The following KSR1 variants were observed in gnomAD, a reference collection of about 807,000 sequenced individuals.
The protein encoded by KSR1 is kinase suppressor of ras 1.
In KSR1, 35 loss-of-function variants were observed where a neutral mutation model predicts 92.9. That is an observed-to-expected ratio of 0.38 (90% confidence interval 0.29 to 0.50). The LOEUF (loss-of-function observed/expected upper bound fraction) is 0.50. KSR1 is among the 20% of genes least tolerant of loss of function. The probability of loss-of-function intolerance (pLI) is 0.94; values close to 1 mark genes in which losing one functional copy is unlikely to be tolerated. For missense variants in KSR1, 972 were observed against 1,158.5 expected, an observed-to-expected ratio of 0.84 and a Z score of 2.34; for synonymous variants, 467 against 472.6, an observed-to-expected ratio of 0.99 and a Z score of 0.15.
rs943135539 is a variant in KSR1 at position 27,456,508 on chromosome 17, C to T, written c.-136C>T. ...AGGGTGGAAGCGGCAGACTCAGCGG[C>T]CGGCTCTACCGGCGTCCCGGCTCGG... On this transcript the variant is annotated 5_prime_UTR_variant, in exon 1 of 21. Transcript: ENST00000644974. 1.6e-3 allele frequency: 644 copies of T among 400,178 alleles called. No individual in the cohort carries two copies. The highest frequency in any genetic ancestry group is 5.2e-3 in the Middle Eastern group (8 of 1,546). 24.8% of individuals were successfully genotyped at this position (400,178 alleles called of 1,614,324 possible). A position where few individuals can be genotyped will look rare whatever the true frequency, so the allele number is the denominator to read the frequency against.
At chr17:27,574,114 A>ACC in intron 2 of KSR1, among the ~76,000 whole-genome samples, 1 of 152,280 alleles carries the variant, frequency 6.6e-6, no homozygotes, top group Middle Eastern at 3.4e-3. Context: ...AACTGAGGAC[A>ACC]CCCTTCCGGA....
At chr17:27,538,238 G>A (rs1032946091) in intron 1 of KSR1, among the ~76,000 whole-genome samples, 4 of 152,182 alleles carry the variant, frequency 2.6e-5, no homozygotes, top group African/African-American at 7.2e-5. Flanking sequence ...GACTGGAATA[G>A]GCCATTATGT....
intron 1 of KSR1, 58 bp downstream of exon 1, chr17:27,456,932 G>C: frequency 2.7e-6 from 2 of 747,544 alleles, no homozygotes; most frequent in Admixed American, 1.8e-5. Flanking sequence ...CCTCCCTCCG[G>C]GCCCCAGTAC....
At chr17:27,529,657 G>A (rs1425539060) in intron 1 of KSR1, among the ~76,000 whole-genome samples, 2 of 152,180 alleles carry the variant, frequency 1.3e-5, no homozygotes, top group Non-Finnish European at 2.9e-5. Context: ...TATGGTTGCC[G>A]GCAGAGGTAA....
chr17:27,552,650 A>G (rs2071436582), intron 2 of KSR1, among the ~76,000 whole-genome samples: 1 of 152,168 alleles, frequency 6.6e-6, no homozygotes, highest in South Asian at 2.1e-4. Flanking sequence ...AGGCTAGGGC[A>G]AGTGACCCAA....
intron 11 of KSR1, among the ~76,000 whole-genome samples, chr17:27,603,057 G>A (rs918376972): frequency 1.3e-5 from 2 of 152,212 alleles, no homozygotes; most frequent in African/African-American, 4.8e-5. Context: ...AGAAAAGAGC[G>A]GGGAGTGAGC....
intron 1 of KSR1, among the ~76,000 whole-genome samples, chr17:27,457,685 G>C (rs1170931890): frequency 1.3e-5 from 2 of 152,166 alleles, no homozygotes; most frequent in Non-Finnish European, 2.9e-5. Flanking sequence ...GGAAAAACCA[G>C]CCCGAGGGTT....
Position 27,459,917 on chromosome 17 carries a change from G to A in KSR1, c.231+3043G>A, listed in dbSNP as rs186797394. Among the ~76,000 whole-genome samples, 109 of 152,290 alleles carry A rather than the reference G, an allele frequency of 7.2e-4. No individual in the cohort carries two copies. Among genetic ancestry groups the A allele is most frequent in the East Asian group, 9.6e-4 (5 of 5,184 alleles). On this transcript the variant is annotated intron_variant, in intron 1 of 20. Transcript: ENST00000644974. The surrounding 1 kb of genome is among the most constrained non-coding windows in gnomAD (Gnocchi z 4.6). ...AGGGTAGAAGGAGCTGAGACTTAAC[G>A]TTTGCTGCCTGTGTGCCTAGCAGCG... is the stretch of plus-strand genomic sequence containing the variant.
intron 1 of KSR1, among the ~76,000 whole-genome samples, chr17:27,460,270 C>T (rs10432045): frequency 0.38 from 57,414 of 151,940 alleles, 11,353 homozygotes; most frequent in East Asian, 0.63. Flanking sequence ...ATCTGCCCAG[C>T]GCTGGGGAGA....
chr17:27,548,958 C>T (rs994580235), intron 1 of KSR1, among the ~76,000 whole-genome samples: 33 of 152,282 alleles, frequency 2.2e-4, no homozygotes, highest in African/African-American at 7.5e-4. Context: ...AATGGCTAAG[C>T]ATCCCAAACC....
At chr17:27,506,221 G>A (rs550727039) in intron 1 of KSR1, among the ~76,000 whole-genome samples, 113 of 152,292 alleles carry the variant, frequency 7.4e-4, no homozygotes, top group African/African-American at 2.6e-3. Flanking sequence ...AGTCTGAGGG[G>A]CTTTGGCTCA....
In KSR1 at chr17:27,526,759, A is replaced by T. The variant is rs1278919619; in HGVS notation, c.232-23809A>T. On this transcript the variant is annotated intron_variant, in intron 1 of 20. Coordinates refer to ENST00000644974, the MANE Select transcript of KSR1 (RefSeq NM_001394583.1). The stretch of plus-strand genomic sequence containing the variant: ...TTGGAAAACGTATGAACTCTTTCTC[A>T]TCATCGCACAGTTCTCTATTTGAAA... 3.4e-6 allele frequency: 4 copies of T among 1,188,066 alleles called. No individual in the cohort carries two copies. The East Asian group carries it at 7.0e-5, about 21-fold the overall frequency. The allele number at this position is 1,188,066 out of a possible 1,614,324, so 73.6% of individuals were successfully genotyped here.
chr17:27,517,120 T>C (rs1035420811), intron 1 of KSR1, among the ~76,000 whole-genome samples: 11 of 152,208 alleles, frequency 7.2e-5, no homozygotes, highest in Non-Finnish European at 1.2e-4. Context: ...CCTTTCTAGG[T>C]AATTTTCTGA....
intron 1 of KSR1, among the ~76,000 whole-genome samples, chr17:27,537,115 C>G (rs1202053387): frequency 6.6e-6 from 1 of 152,192 alleles, no homozygotes; most frequent in Admixed American, 6.5e-5. Flanking sequence ...TTACCCCCAC[C>G]CTTACCTTGT....
At chr17:27,528,882 G>A (rs2070422302) in intron 1 of KSR1, among the ~76,000 whole-genome samples, 1 of 152,034 alleles carries the variant, frequency 6.6e-6, no homozygotes, top group Non-Finnish European at 1.5e-5. Context: ...TTCACCCTGG[G>A]TGACAAGAGA....
Position 27,459,692 on chromosome 17 carries a change from C to A in KSR1, c.231+2818C>A, listed in dbSNP as rs1424272963. 3.3e-5 allele frequency among the ~76,000 whole-genome samples: 5 copies of A among 152,330 alleles called. No homozygotes were observed. The highest frequency in any genetic ancestry group is 1.2e-4 in the African/African-American group (5 of 41,578). On this transcript the variant is annotated intron_variant, in intron 1 of 20. Transcript: ENST00000644974. This position sits in a 1 kb window ranked among gnomAD's most constrained non-coding sequence, Gnocchi z 4.6. ...CAACTGCATCGGACTTATCTAGAAT[C>A]TGAGGAGCCCCAGCTCACTCTGGCC...
intron 1 of KSR1, among the ~76,000 whole-genome samples, chr17:27,525,606 G>A (rs547332403): frequency 6.6e-6 from 1 of 152,332 alleles, no homozygotes; most frequent in Non-Finnish European, 1.5e-5. Flanking sequence ...TGGCATTTAG[G>A]AGAGGATACA....
intron 1 of KSR1, among the ~76,000 whole-genome samples, chr17:27,504,132 T>C (rs1180805359): frequency 6.6e-6 from 1 of 152,176 alleles, no homozygotes; most frequent in Non-Finnish European, 1.5e-5. Context: ...GGCAGGTTGC[T>C]TCATAGAAGA....
chr17:27,591,479 C>G (rs1224077682), intron 7 of KSR1, among the ~76,000 whole-genome samples: 1 of 152,192 alleles, frequency 6.6e-6, no homozygotes, highest in Non-Finnish European at 1.5e-5. Flanking sequence ...GCTGTGTGAT[C>G]TGGGGCAAGG....
Sources: allele counts gnomAD v4.1 joint callset (sites outside exome capture counted in the v4.1 genomes callset), GRCh38; gene constraint gnomAD v4.1.1; non-coding constraint Gnocchi (gnomAD v3.1); transcripts MANE v1.5; gene names NCBI Gene and HGNC (gene_info 2026-07-23, HGNC 2026-07-21).